CSF1R: variants seen among roughly 807,000 people sequenced by gnomAD.
The protein encoded by CSF1R is colony stimulating factor 1 receptor, also known as macrophage colony-stimulating factor 1 receptor.
CSF1R carries 40 observed loss-of-function variants against 110.0 expected under a neutral mutation model. The observed-to-expected ratio is 0.36, with a 90% CI of 0.28 to 0.47. CSF1R has a LOEUF of 0.47. Among genes scored for constraint, CSF1R ranks in the 20% least tolerant of loss-of-function variants. The pLI, the probability that CSF1R is intolerant of heterozygous loss-of-function variation, is 0.99. For missense variants in CSF1R, 1,052 were observed against 1,253.0 expected, an observed-to-expected ratio of 0.84 and a Z score of 2.42; for synonymous variants, 523 against 503.4, an observed-to-expected ratio of 1.04 and a Z score of -0.52.
chr5:150,078,688 C>T (rs1758391914), intron 3 of CSF1R, among the ~76,000 whole-genome samples: 1 of 152,196 alleles, frequency 6.6e-6, no homozygotes, highest in Non-Finnish European at 1.5e-5. Context: ...TTCTGACCGC[C>T]CTGATAACCC....
chr5:150,102,948 T>C (rs1759448887), intron 1 of CSF1R, among the ~76,000 whole-genome samples: 1 of 152,246 alleles, frequency 6.6e-6, no homozygotes, highest in African/African-American at 2.4e-5. Context: ...ATTTCTGACT[T>C]CTGGGTTTCA....
At chr5:150,061,436 C>A in intron 12 of CSF1R, 55 bp downstream of exon 12, 1 of 938,706 alleles carries the variant, frequency 1.1e-6, no homozygotes, top group Non-Finnish European at 1.5e-6. Context: ...AGGGCCAGCC[C>A]ACCCCCAGCA....
chr5:150,109,725 T>A (rs146067383), intron 1 of CSF1R, among the ~76,000 whole-genome samples: 2 of 152,352 alleles, frequency 1.3e-5, no homozygotes, highest in East Asian at 3.9e-4. Context: ...TAGACTTCAG[T>A]GACATTTTAA....
chr5:150,088,931 T>C (rs1561952418), upstream of CSF1R, among the ~76,000 whole-genome samples: 1 of 152,154 alleles, frequency 6.6e-6, no homozygotes. Flanking sequence ...CACATGAAAA[T>C]CAGGGTAATA....
Position 150,056,285 on chromosome 5 carries a change from G to C in CSF1R, c.2376C>G (p.Ala792=), listed in dbSNP as rs779198932. 1.9e-6 allele frequency: 3 copies of C among 1,614,112 alleles called. No individual in the cohort carries two copies. The Admixed American group carries it at 5.0e-5, about 27-fold the overall frequency. ...TAGCCAGCCCGAAGTCCCCAATCTT[G>C]GCCACATGACCATTGGTCAACAGCA... ...RNVLLTNGHV[A]KIGDFGLARD... is the part of the protein sequence containing the mutation. Residue 792 remains alanine, a synonymous_variant, in exon 17 of 21, where the codon GCC becomes GCG. Transcript: ENST00000675795.
chr5:150,078,769 C>T (rs1008593712), intron 3 of CSF1R, among the ~76,000 whole-genome samples: 7 of 152,148 alleles, frequency 4.6e-5, no homozygotes, highest in Non-Finnish European at 7.3e-5. Context: ...CCCACCTTTC[C>T]CTCCTGGAAT....
intron 1 of CSF1R, among the ~76,000 whole-genome samples, chr5:150,085,284 A>AAAAAAAAAAAAAAAAAAC (rs1561947594): frequency 2.7e-5 from 4 of 150,176 alleles, no homozygotes; most frequent in African/African-American, 9.8e-5. Flanking sequence ...CAGGAAAAAA[A>AAAAAAAAAAAAAAAAAAC]AAAAAAAAAC....
upstream of CSF1R, among the ~76,000 whole-genome samples, chr5:150,089,969 A>G (rs1758985772): frequency 6.6e-6 from 1 of 152,234 alleles, no homozygotes; most frequent in African/African-American, 2.4e-5. Context: ...AGAACTAGAT[A>G]GTCACATGCA....
rs754190138 is a variant in CSF1R at position 150,060,966 on chromosome 5, G to A, written c.1865C>T (p.Ala622Val). Residue 622 changes from alanine to valine, a missense_variant, in exon 13 of 21, where the codon GCC (alanine) becomes GTC (valine). Ala to Val is a moderately conservative substitution (Grantham distance 64, BLOSUM62 0). This residue lies in a region of CSF1R where 76 missense variants were observed against 133.6 expected (regional missense o/e 0.57). Coordinates refer to ENST00000675795, the MANE Select transcript of CSF1R (RefSeq NM_001288705.3). ...KVAVKMLKST[A>V]HADEKEALMS... ...GAGGGCCTCCTTCTCATCAGCATGG[G>A]CCGTGGCTGGGAGGAAGAACCACAG... The A allele has an allele frequency of 1.9e-6, 3 of 1,596,854 alleles. No homozygotes were observed. Among genetic ancestry groups the A allele is most frequent in the Non-Finnish European group, 2.6e-6 (3 of 1,170,856 alleles).
chr5:150,098,889 A>AT (rs571440671), intron 1 of CSF1R, among the ~76,000 whole-genome samples: 25,615 of 132,804 alleles, frequency 0.19, 2,779 homozygotes, highest in Middle Eastern at 0.31. Flanking sequence ...AATACAAACA[A>AT]CTTTTTTTTT....
chr5:150,091,291 C>A (rs1759029015), upstream of CSF1R, among the ~76,000 whole-genome samples: 1 of 151,992 alleles, frequency 6.6e-6, no homozygotes, highest in African/African-American at 2.4e-5. Flanking sequence ...CTAGGTAAAA[C>A]CAAAAGAATG....
chr5:150,093,306 T>C (rs1759104634), intron 1 of CSF1R, among the ~76,000 whole-genome samples: 1 of 152,196 alleles, frequency 6.6e-6, no homozygotes, highest in South Asian at 2.1e-4. Context: ...CTCGAATTCC[T>C]GACTTCAGGT....
intron 20 of CSF1R, 39 bp from the exon 21 acceptor site, chr5:150,054,263 C>T: frequency 6.2e-7 from 1 of 1,613,570 alleles, no homozygotes; most frequent in Non-Finnish European, 8.5e-7. Flanking sequence ...AGTCCAGATC[C>T]ATCAGGCCCA....
rs181163220 is a variant in CSF1R, at chr5:150,105,882, A to G, written c.-181+7379T>C. 2.0e-5 allele frequency among the ~76,000 whole-genome samples: 3 copies of G among 152,242 alleles called. No homozygotes were observed. In the East Asian group the frequency reaches 5.8e-4, roughly 29 times the overall value. ...CCAGGCACCACAGCAGGCTCTTTCC[A>G]TATTTATCTAATTTAGTGCTTTTAA... On this transcript the variant is annotated intron_variant, in intron 1 of 21. Coordinates refer to the CSF1R transcript ENST00000286301.
In CSF1R at chr5:150,054,343, G is replaced by A. The variant is rs953456465; in HGVS notation, c.2742C>T (p.Ala914=). 10 of 1,614,096 alleles carry A rather than the reference G, an allele frequency of 6.2e-6. No homozygotes were observed. Among genetic ancestry groups the A allele is most frequent in the South Asian group, 2.2e-5 (2 of 91,078 alleles). ...QQICSFLQEQ[A]QEDRRERDYT... ...TCACCCGCTCTCTCCTGTCCTCTTGGGCCTGCTCCTGAAGGAAGGAGCAGA... is the reference window on the plus strand; with the variant it reads ...TCACCCGCTCTCTCCTGTCCTCTTGAGCCTGCTCCTGAAGGAAGGAGCAGA... Residue 914 remains alanine (A), a synonymous_variant, in exon 20 of 21, where the codon GCC becomes GCT. Transcript: ENST00000675795.
chr5:150,081,828 GAA>G (rs948294255), intron 1 of CSF1R, among the ~76,000 whole-genome samples: 3 of 152,328 alleles, frequency 2.0e-5, no homozygotes, highest in African/African-American at 7.2e-5. Flanking sequence ...TCTTGAAGGA[GAA>G]AAGAGAACTT....
intron 1 of CSF1R, among the ~76,000 whole-genome samples, chr5:150,105,363 AATAT>A (rs1299956729): frequency 4.5e-5 from 4 of 88,168 alleles, no homozygotes; most frequent in South Asian, 5.0e-4. Flanking sequence ...AAAAAAAAAA[AATAT>A]ATATATATAT....
At chr5:150,054,451 T>A in intron 19 of CSF1R, 21 bp from the exon 20 acceptor site, 3 of 1,597,464 alleles carry the variant, frequency 1.9e-6, no homozygotes, top group Non-Finnish European at 2.6e-6. Context: ...GGACAGAGGA[T>A]GCCCATGGGC....
chr5:150,094,367 A>G (rs566409377), intron 1 of CSF1R: 1 of 1,599,988 alleles, frequency 6.3e-7, no homozygotes, highest in East Asian at 2.2e-5. Flanking sequence ...AGAAAAAGCG[A>G]AGGAATTTCG....
Sources: allele counts gnomAD v4.1 joint callset (sites outside exome capture counted in the v4.1 genomes callset), GRCh38; gene constraint gnomAD v4.1.1; regional missense constraint gnomAD v4.1.1; transcripts MANE v1.5; gene names NCBI Gene and HGNC (gene_info 2026-07-23, HGNC 2026-07-21).